CALD1: variants seen among roughly 807,000 people sequenced by gnomAD.
CALD1 encodes the protein caldesmon.
In CALD1, 33 loss-of-function variants were observed where a neutral mutation model predicts 99.9. The ratio of observed to expected loss-of-function variants is 0.33; its 90% CI spans 0.25 to 0.44. CALD1 has a LOEUF of 0.44. Among genes scored for constraint, CALD1 ranks in the 20% least tolerant of loss-of-function variants. CALD1 has a pLI of 1.00. For synonymous variants in CALD1, 310 were observed against 325.0 expected (o/e 0.95, Z 0.50); for missense variants, 861 against 962.1 (o/e 0.89, Z 1.39).
chr7:134,928,917 G>T lies in CALD1; in HGVS notation c.218+17G>T. ...CCAGAACAGGTACTGTCCTCTTTGG[G>T]ACGGGGAGTTTCTAACTTGCGTCTT... is the stretch of plus-strand genomic sequence containing the variant. On this transcript the variant is annotated intron_variant, in intron 4 of 14. Transcript: ENST00000361675. 1.3e-6 allele frequency: 2 copies of T among 1,589,432 alleles called. No individual in the cohort carries two copies. Among genetic ancestry groups the T allele is most frequent in the Non-Finnish European group, 1.7e-6 (2 of 1,164,748 alleles).
At chr7:134,962,786 T>TTTAAAAAAAAACAACG (rs541385748) in intron 13 of CALD1, 252 of 451,850 alleles carry the variant, frequency 5.6e-4, no homozygotes, top group Non-Finnish European at 9.8e-4. Context: ...TTTCTTTTTG[T>TTTAAAAAAAAACAACG]TTAAAAAAAA....
intron 1 of CALD1, among the ~76,000 whole-genome samples, chr7:134,763,271 T>A (rs1269453782): frequency 1.3e-5 from 2 of 152,196 alleles, no homozygotes; most frequent in Admixed American, 6.5e-5. Flanking sequence ...CAACTAAGCA[T>A]AATACATAAA....
intron 3 of CALD1, 103 bp downstream of exon 3, chr7:134,867,907 C>T: frequency 1.8e-6 from 1 of 547,934 alleles, no homozygotes; most frequent in Admixed American, 3.7e-5. Context: ...TCATATCGCA[C>T]ACCAAACTGT....
intron 3 of CALD1, among the ~76,000 whole-genome samples, chr7:134,873,874 C>T (rs1801220533): frequency 6.6e-6 from 1 of 152,166 alleles, no homozygotes; most frequent in African/African-American, 2.4e-5. Context: ...ATCTAATAAA[C>T]ATTCAATAAA....
intron 1 of CALD1, among the ~76,000 whole-genome samples, chr7:134,781,811 A>C (rs1797116081): frequency 6.6e-6 from 1 of 152,234 alleles, no homozygotes; most frequent in Non-Finnish European, 1.5e-5. Context: ...TAAATACACA[A>C]TTCTTATATT....
chr7:134,737,537 G>A, the CALD1 span, among the ~76,000 whole-genome samples: 9 of 152,034 alleles, frequency 5.9e-5, 1 homozygote, highest in Middle Eastern at 3.4e-3. Context: ...TTTATCTTGT[G>A]GATTTCTTTC....
chr7:134,941,231 C>G lies in CALD1; in HGVS notation c.1526C>G (p.Thr509Ser), dbSNP rs758198146. 1 of 1,594,170 alleles carries G rather than the reference C, an allele frequency of 6.3e-7. No individual in the cohort carries two copies. The highest frequency in any genetic ancestry group is 1.2e-5 in the South Asian group (1 of 86,556). ...MTHKLKHTEN[T>S]FSRPGGRASV... ...CACAAACTTAAACATACTGAGAATA[C>G]TTTCAGGTAAGAAGTAGCAACTAGT... Residue 509 changes from threonine to serine, a missense_variant, in exon 7 of 15, where the codon ACT (threonine) becomes AGT (serine). Around this residue, in one of 5 missense-constraint regions of CALD1, gnomAD observed 293 missense variants for 262.7 expected, o/e 1.12. Transcript: ENST00000361675.
At position 134,950,495 on chromosome 7, in the gene CALD1, C is replaced by A; in HGVS notation, c.1916C>A (p.Pro639His). Residue 639 changes from proline to histidine, a missense_variant, in exon 9 of 15, where the codon CCT becomes CAT. Around this residue, in one of 5 missense-constraint regions of CALD1, gnomAD observed 190 missense variants for 249.0 expected, o/e 0.76. Transcript: ENST00000361675. ...DDKKPFKCFT[P>H]KGSSLKIEER... ...AAGAAACCATTCAAGTGTTTCACTCCTAAAGGTTCATCTCTCAAGGTATTT... is the reference window on the plus strand; with the variant it reads ...AAGAAACCATTCAAGTGTTTCACTCATAAAGGTTCATCTCTCAAGGTATTT... 2 of 1,613,974 alleles carry A rather than the reference C, an allele frequency of 1.2e-6. No homozygotes were observed.
At chr7:134,714,126 C>T in the CALD1 span, among the ~76,000 whole-genome samples, 12 of 152,172 alleles carry the variant, frequency 7.9e-5, no homozygotes, top group South Asian at 2.1e-3. Context: ...TATCTTCTGC[C>T]GTGATTGAAA....
intron 9 of CALD1, among the ~76,000 whole-genome samples, chr7:134,956,241 A>C (rs75488059): frequency 1.4e-5 from 2 of 142,042 alleles, no homozygotes; most frequent in African/African-American, 5.4e-5. Flanking sequence ...GCATGTTTTC[A>C]AAAAAAAAAA....
At position 134,968,554 on chromosome 7, in the gene CALD1, G is replaced by C; in HGVS notation, c.*209G>C. ...TGGTAAAAGTACTGCCTTTGCACAG[G>C]AGCCTGTTTCTAAAGAAACCCATGC... On this transcript the variant is annotated 3_prime_UTR_variant, in exon 15 of 15. Coordinates refer to ENST00000361675, the MANE Select transcript of CALD1 (RefSeq NM_033138.4). The C allele has an allele frequency of 1.4e-6, 1 of 704,282 alleles. No homozygotes were observed. The highest frequency in any genetic ancestry group is 2.6e-6 in the Non-Finnish European group (1 of 383,436). The allele number at this position is 704,282 out of a possible 1,614,324, so 43.6% of individuals were successfully genotyped here.
rs763507772 is a variant in CALD1, at chr7:134,933,727, G to A, written c.958G>A (p.Glu320Lys). Residue 320 changes from glutamate to lysine, a missense_variant, in exon 5 of 15, where the codon GAA becomes AAA. By Grantham distance (56) the Glu-to-Lys change is moderately conservative. Transcript: ENST00000361675. ...EAEERERMRE[E>K]EKRAAEERQR... ...AGAAGAGAGGGAAAGGATGAGGGAG[G>A]AAGAGAAAAGGGCAGCAGAGGAGAG... is the stretch of plus-strand genomic sequence containing the variant. 6.4e-7 allele frequency: 1 copy of A among 1,558,988 alleles called. No homozygotes were observed. Among genetic ancestry groups the A allele is most frequent in the South Asian group, 1.2e-5 (1 of 84,890 alleles).
At chr7:134,903,019 G>C (rs962505649) in intron 3 of CALD1, among the ~76,000 whole-genome samples, 7 of 152,120 alleles carry the variant, frequency 4.6e-5, no homozygotes, top group African/African-American at 1.7e-4. Context: ...GAAAAGACAT[G>C]CAGGAAACGT....
At chr7:134,738,183 C>T in the CALD1 span, among the ~76,000 whole-genome samples, 1 of 152,184 alleles carries the variant, frequency 6.6e-6, no homozygotes, top group African/African-American at 2.4e-5. Flanking sequence ...CCAAGTTCCA[C>T]AGAATCTGAA....
chr7:134,811,870 T>C (rs899857267), intron 1 of CALD1, among the ~76,000 whole-genome samples: 2 of 152,126 alleles, frequency 1.3e-5, no homozygotes, highest in Non-Finnish European at 2.9e-5. Context: ...GAATGTGACA[T>C]CCAAAATATG....
At chr7:134,884,577 T>G (rs1801761693) in intron 3 of CALD1, among the ~76,000 whole-genome samples, 2 of 151,416 alleles carry the variant, frequency 1.3e-5, no homozygotes, top group Non-Finnish European at 2.9e-5. Flanking sequence ...TCCTGATACC[T>G]GTCGATTCTG....
chr7:134,876,428 G>A (rs943764868), intron 3 of CALD1, among the ~76,000 whole-genome samples: 3 of 152,186 alleles, frequency 2.0e-5, no homozygotes, highest in Admixed American at 6.5e-5. Flanking sequence ...GGAAAAGAGT[G>A]TATTCTACAA....
At chr7:134,866,413 T>C (rs996311313) in intron 2 of CALD1, among the ~76,000 whole-genome samples, 1 of 152,158 alleles carries the variant, frequency 6.6e-6, no homozygotes, top group Non-Finnish European at 1.5e-5. Context: ...ATAAGCAGCA[T>C]TAATAATACC....
chr7:134,910,415 T>C (rs774863566), intron 3 of CALD1, among the ~76,000 whole-genome samples: 1 of 152,214 alleles, frequency 6.6e-6, no homozygotes, highest in Non-Finnish European at 1.5e-5. Context: ...TTTACCTAGT[T>C]GTACTGAGTT....
Sources: allele counts gnomAD v4.1 joint callset (sites outside exome capture counted in the v4.1 genomes callset), GRCh38; gene constraint gnomAD v4.1.1; regional missense constraint gnomAD v4.1.1; transcripts MANE v1.5; gene names NCBI Gene and HGNC (gene_info 2026-07-23, HGNC 2026-07-21).